Variants in WWC2 observed in about 807,000 individuals in gnomAD.
WWC2 encodes protein WWC2.
Under a neutral mutation model 138.5 loss-of-function variants are expected in WWC2, and 101 were observed. The observed-to-expected ratio is 0.73, with a 90% CI of 0.62 to 0.86. The LOEUF (loss-of-function observed/expected upper bound fraction) is 0.86, where lower values mean the gene tolerates loss of function less well. Among genes scored for constraint, WWC2 ranks in the 40% least tolerant of loss-of-function variants. The probability of loss-of-function intolerance (pLI) is 0.00; values close to 1 mark genes in which losing one functional copy is unlikely to be tolerated. For synonymous variants in WWC2, 558 were observed against 538.4 expected, an observed-to-expected ratio of 1.04 and a Z score of -0.50; for missense variants, 1,420 against 1,419.4, an observed-to-expected ratio of 1.00 and a Z score of -0.01.
intron 1 of WWC2, among the ~76,000 whole-genome samples, chr4:183,154,028 A>AAAAT (rs1733725902): frequency 7.7e-6 from 1 of 129,196 alleles, no homozygotes; most frequent in East Asian, 2.3e-4. Context: ...AAAAAAAAAA[A>AAAAT]CCCCAAATCT....
At chr4:183,301,180 A>G (rs931463497) in intron 21 of WWC2, among the ~76,000 whole-genome samples, 4 of 152,220 alleles carry the variant, frequency 2.6e-5, no homozygotes, top group African/African-American at 7.2e-5. Context: ...CCATAGCAAG[A>G]TAGAAGTCAT....
chr4:183,272,961 G>T (rs921422900), intron 16 of WWC2, among the ~76,000 whole-genome samples: 1 of 152,148 alleles, frequency 6.6e-6, no homozygotes, highest in African/African-American at 2.4e-5. Context: ...CTCCTGGGTA[G>T]GTACCTATGA....
intron 22 of WWC2, among the ~76,000 whole-genome samples, chr4:183,314,554 G>A (rs1667252557): frequency 6.6e-6 from 1 of 152,144 alleles, no homozygotes; most frequent in Non-Finnish European, 1.5e-5. Flanking sequence ...CGTTCTGCCC[G>A]GCACCACCCC....
Position 183,318,607 on chromosome 4 carries a change from T to C in WWC2, c.*2878T>C, listed in dbSNP as rs1426823398. ...CAAACACAAGAGTTTCCTTGAACCA[T>C]GTACCAAGCAAATACAAAATATTTC... On this transcript the variant is annotated 3_prime_UTR_variant, in exon 23 of 23. Coordinates refer to ENST00000403733, the MANE Select transcript of WWC2 (RefSeq NM_024949.6). The C allele has an allele frequency of 1.3e-5, 2 of 150,998 alleles. No individual in the cohort carries two copies. The highest frequency in any genetic ancestry group is 1.3e-4 in the Admixed American group (2 of 15,100). The allele number at this position is 150,998 out of a possible 1,614,324, so 9.4% of individuals were successfully genotyped here.
At chr4:183,292,521 G>T (rs978265269) in intron 21 of WWC2, among the ~76,000 whole-genome samples, 1 of 151,928 alleles carries the variant, frequency 6.6e-6, no homozygotes, top group Middle Eastern at 3.2e-3. Flanking sequence ...AAAAGTATAT[G>T]CCTACAATTT....
intron 2 of WWC2, among the ~76,000 whole-genome samples, chr4:183,204,380 CTT>C (rs2111232522): frequency 6.6e-6 from 1 of 152,296 alleles, no homozygotes; most frequent in African/African-American, 2.4e-5. Context: ...ATTTCAGCCT[CTT>C]TTTACAATCG....
Position 183,320,297 on chromosome 4 carries a change from A to C in WWC2, c.*4568A>C. On this transcript the variant is annotated 3_prime_UTR_variant, in exon 23 of 23. Transcript: ENST00000403733. ...AAAAGAAGTGTGACACTTGTGTTATAACTTATGAAACTCAGAAATATTTCT... is the reference window on the plus strand; with the variant it reads ...AAAAGAAGTGTGACACTTGTGTTATCACTTATGAAACTCAGAAATATTTCT... The C allele has an allele frequency of 8.0e-7, 1 of 1,255,378 alleles. No individual in the cohort carries two copies. The highest frequency in any genetic ancestry group is 1.1e-6 in the Non-Finnish European group (1 of 893,618). 77.8% of individuals were successfully genotyped at this position (1,255,378 alleles called of 1,614,324 possible).
At position 183,121,221 on chromosome 4, in the gene WWC2, T is replaced by C. The variant is rs1028081164; in HGVS notation, c.131+21599T>C. ...CATTATCTCAAAAAAAAAAAAAAAG[T>C]AACATTGTGGAGGAAAATAATTAAA... On this transcript the variant is annotated intron_variant, in intron 1 of 22. Coordinates refer to ENST00000403733, the MANE Select transcript of WWC2 (RefSeq NM_024949.6). 4.6e-5 allele frequency among the ~76,000 whole-genome samples: 7 copies of C among 151,124 alleles called. No homozygotes were observed. In the South Asian group the frequency reaches 8.3e-4, roughly 18 times the overall value.
At chr4:183,250,693 A>T (rs1226530847) in intron 8 of WWC2, among the ~76,000 whole-genome samples, 3 of 152,174 alleles carry the variant, frequency 2.0e-5, no homozygotes, top group African/African-American at 7.2e-5. Context: ...GAGGGAAAGG[A>T]TTATACTGAT....
chr4:183,150,183 G>C (rs1203065420), intron 1 of WWC2, among the ~76,000 whole-genome samples: 1 of 152,194 alleles, frequency 6.6e-6, no homozygotes, highest in Non-Finnish European at 1.5e-5. Flanking sequence ...CTCTGTACCT[G>C]TCCATTTCAG....
intron 4 of WWC2, among the ~76,000 whole-genome samples, chr4:183,225,393 G>A (rs1736041454): frequency 6.6e-6 from 1 of 152,186 alleles, no homozygotes; most frequent in East Asian, 1.9e-4. Flanking sequence ...CAGTGAATGT[G>A]TAAGGATATC....
chr4:183,254,456 T>C (rs1035198711), intron 9 of WWC2, among the ~76,000 whole-genome samples: 1 of 152,224 alleles, frequency 6.6e-6, no homozygotes, highest in Non-Finnish European at 1.5e-5. Context: ...CGTACTCACT[T>C]GCATTTTGTT....
In WWC2 at chr4:183,280,229, G is replaced by GTTTT. The variant is rs869235261; in HGVS notation, c.2563-525_2563-522dup. 1.7e-3 allele frequency among the ~76,000 whole-genome samples: 112 copies of GTTTT among 65,398 alleles called. 2 individuals are homozygous for GTTTT. The highest frequency in any genetic ancestry group is 3.8e-3 in the African/African-American group (62 of 16,360). 42.9% of individuals were successfully genotyped at this position (65,398 alleles called of 152,430 possible). A position where few individuals can be genotyped will look rare whatever the true frequency, so the allele number is the denominator to read the frequency against. ...TTACTATTTTAGCCTGATAGCAGCT[G>GTTTT]TTTTTTTTTTTTTTTTTTTTTTTTT... is the stretch of plus-strand genomic sequence containing the variant. On this transcript the variant is annotated intron_variant, in intron 16 of 22. Coordinates refer to ENST00000403733, the MANE Select transcript of WWC2 (RefSeq NM_024949.6).
intron 1 of WWC2, among the ~76,000 whole-genome samples, chr4:183,113,524 G>GCGCA (rs1561420322): frequency 7.1e-6 from 1 of 141,432 alleles, no homozygotes; most frequent in Admixed American, 6.8e-5. Context: ...GTGCGCGCGC[G>GCGCA]TGCGCGCGCA....
intron 20 of WWC2, among the ~76,000 whole-genome samples, chr4:183,287,711 C>A (rs1187457330): frequency 6.6e-6 from 1 of 152,162 alleles, no homozygotes; most frequent in Non-Finnish European, 1.5e-5. Context: ...GGAAAAGGTT[C>A]ATCTGAATAG....
At chr4:183,303,747 C>CA (rs1738937364) in intron 21 of WWC2, among the ~76,000 whole-genome samples, 1 of 152,002 alleles carries the variant, frequency 6.6e-6, no homozygotes, top group South Asian at 2.1e-4. Flanking sequence ...TTTTAAAACT[C>CA]AAAGTACAGA....
intron 21 of WWC2, among the ~76,000 whole-genome samples, chr4:183,295,848 G>C (rs1371984371): frequency 3.9e-5 from 6 of 152,096 alleles, no homozygotes; most frequent in Admixed American, 2.0e-4. Context: ...CTATCATTCT[G>C]TTCTCAGTGA....
intron 22 of WWC2, among the ~76,000 whole-genome samples, chr4:183,315,237 C>T (rs191586614): frequency 1.3e-5 from 2 of 152,272 alleles, no homozygotes; most frequent in East Asian, 3.9e-4. Flanking sequence ...GTTGTCCCTG[C>T]CCCGGCATGG....
chr4:183,208,970 G>A lies in WWC2; in HGVS notation c.467G>A (p.Ser156Asn), dbSNP rs201566166. Residue 156 changes from serine (S) to asparagine (N), a missense_variant, in exon 4 of 23, where the codon AGT becomes AAT. Coordinates refer to ENST00000403733, the MANE Select transcript of WWC2 (RefSeq NM_024949.6). ...HTSLFSGSSS[S>N]TKYDPDILKA... ...AAAGTATTCTCAGGATCTTCATCCA[G>A]TACTAAATATGATCCCGATATTTTA... 5.8e-5 allele frequency: 90 copies of A among 1,565,200 alleles called. No individual in the cohort carries two copies. Among genetic ancestry groups the A allele is most frequent in the Non-Finnish European group, 7.6e-5 (87 of 1,151,930 alleles).
Sources: gnomAD v4.1 joint callset for allele counts (sites outside exome capture counted in the v4.1 genomes callset) on GRCh38, gnomAD v4.1.1 for gene constraint, MANE v1.5 for transcripts, NCBI Gene and HGNC (gene_info 2026-07-23, HGNC 2026-07-21) for gene names.